Variants in CLDN18 observed in about 807,000 individuals in gnomAD.
CLDN18 encodes claudin 18, also known as claudin-18.
CLDN18 carries 20 observed loss-of-function variants against 25.0 expected under a neutral mutation model. That is an observed-to-expected ratio of 0.80 (90% confidence interval 0.56 to 1.16). The LOEUF (loss-of-function observed/expected upper bound fraction) is 1.16, where lower values mean the gene tolerates loss of function less well. Ranked by LOEUF, CLDN18 falls within the 50% of genes most tolerant of loss-of-function variation. CLDN18 has a pLI of 0.00. For missense variants in CLDN18, 297 were observed against 345.4 expected, an observed-to-expected ratio of 0.86 and a Z score of 1.11; for synonymous variants, 125 against 135.6, an observed-to-expected ratio of 0.92 and a Z score of 0.54.
exon 1 of CLDN18, chr3:137,998,825 C>T (rs1941984256): frequency 1.3e-6 from 2 of 1,578,632 alleles, no homozygotes; most frequent in African/African-American, 2.7e-5. Context: ...CAGAATTGCG[C>T]TGTCCACTTG....
At chr3:138,005,280 T>C (rs7625554), upstream of CLDN18, among the ~76,000 whole-genome samples, 78,606 of 151,958 alleles carry the variant, frequency 0.52, 22,417 homozygotes, top group South Asian at 0.72. Flanking sequence ...CTGGGATACA[T>C]GTGCAGAACG....
chr3:138,011,911 C>T (rs1470763337), intron 1 of CLDN18, among the ~76,000 whole-genome samples: 1 of 152,118 alleles, frequency 6.6e-6, no homozygotes, highest in Non-Finnish European at 1.5e-5. Flanking sequence ...CTCCATGACA[C>T]CCTCTCAGAA....
chr3:138,022,772 G>T (rs1208155527), intron 1 of CLDN18, among the ~76,000 whole-genome samples: 1 of 152,234 alleles, frequency 6.6e-6, no homozygotes, highest in Non-Finnish European at 1.5e-5. Context: ...CATGCTTAGT[G>T]ACTGTCATTC....
chr3:138,007,661 TTAAAG>T (rs767101002), upstream of CLDN18, among the ~76,000 whole-genome samples: 139 of 149,470 alleles, frequency 9.3e-4, no homozygotes, highest in Admixed American at 3.0e-3. Context: ...ATCCTAGAAC[TTAAAG>T]TAAAATAAAT....
Position 138,031,165 on chromosome 3 carries a change from G to A in CLDN18, c.*24G>A. 1.3e-6 allele frequency: 2 copies of A among 1,567,492 alleles called. No individual in the cohort carries two copies. The highest frequency in any genetic ancestry group is 1.7e-6 in the Non-Finnish European group (2 of 1,151,016). On this transcript the variant is annotated 3_prime_UTR_variant, in exon 5 of 5. Transcript: ENST00000183605. ...AATGCTCTAAGACCTCTCAGCACGG[G>A]CGGAAGAAACTCCCGGAGAGCTCAC...
intron 3 of CLDN18, among the ~76,000 whole-genome samples, chr3:138,027,385 A>ATTTAGG (rs1228614069): frequency 1.3e-5 from 2 of 152,236 alleles, no homozygotes; most frequent in Non-Finnish European, 2.9e-5. Context: ...CCAGGTAAGT[A>ATTTAGG]TTTAGGTTTG....
Position 138,031,210 on chromosome 3 carries a change from C to T in CLDN18, c.*69C>T. The T allele has an allele frequency of 7.3e-7, 1 of 1,369,244 alleles. No individual in the cohort carries two copies. Among genetic ancestry groups the T allele is most frequent in the Middle Eastern group, 2.7e-4 (1 of 3,726 alleles). 84.8% of individuals were successfully genotyped at this position (1,369,244 alleles called of 1,614,324 possible). On this transcript the variant is annotated 3_prime_UTR_variant, in exon 5 of 5. Coordinates refer to ENST00000183605, the MANE Select transcript of CLDN18 (RefSeq NM_016369.4). ...GCTCACCCAAAAAACAAGGAGATCC[C>T]ATCTAGATTTCTTCTTGCTTTTGAC... is the stretch of plus-strand genomic sequence containing the variant.
chr3:138,029,199 G>A (rs1448993198), intron 3 of CLDN18, among the ~76,000 whole-genome samples: 1 of 152,110 alleles, frequency 6.6e-6, no homozygotes. Flanking sequence ...AGGCTAGAGT[G>A]CAATGGCACA....
intron 1 of CLDN18, 41 bp downstream of exon 1, chr3:138,010,486 G>C: frequency 6.2e-7 from 1 of 1,610,314 alleles, no homozygotes; most frequent in Non-Finnish European, 8.5e-7. Flanking sequence ...GGTGAACCAG[G>C]TGAGCAGGGA....
intron 1 of CLDN18, among the ~76,000 whole-genome samples, chr3:138,021,269 G>A (rs1292161464): frequency 6.6e-6 from 1 of 151,952 alleles, no homozygotes; most frequent in African/African-American, 2.4e-5. Context: ...AAAAAAAAGT[G>A]TTAAGCATTT....
At chr3:138,004,402 C>T (rs1942046989) in intron 1 of CLDN18, among the ~76,000 whole-genome samples, 1 of 152,054 alleles carries the variant, frequency 6.6e-6, no homozygotes, top group Admixed American at 6.5e-5. Flanking sequence ...GCAAGAGTTT[C>T]CCCATGGGAA....
upstream of CLDN18, among the ~76,000 whole-genome samples, chr3:138,005,336 C>T (rs1942058398): frequency 6.6e-6 from 1 of 152,110 alleles, no homozygotes; most frequent in African/African-American, 2.4e-5. Context: ...TGGTTTGCTG[C>T]ACCCATTAAC....
Position 138,018,627 on chromosome 3 carries a change from C to T in CLDN18, c.221-5031C>T, listed in dbSNP as rs915265782. On this transcript the variant is annotated intron_variant, in intron 1 of 4. Transcript: ENST00000183605. ...CTGGGATTACAGGCGTGAGCCACCG[C>T]ACCCGGCCCTCAAGGCCTTTTATAA... 2.6e-5 allele frequency among the ~76,000 whole-genome samples: 4 copies of T among 152,022 alleles called. No individual in the cohort carries two copies. In the South Asian group the frequency reaches 6.2e-4, roughly 24 times the overall value.
intron 1 of CLDN18, among the ~76,000 whole-genome samples, chr3:138,004,046 C>G (rs144633295): frequency 6.6e-6 from 1 of 151,822 alleles, no homozygotes. Flanking sequence ...TGGTGGTGCA[C>G]GCCTGTAGTC....
chr3:138,031,115 T>C lies in CLDN18; in HGVS notation c.760T>C (p.Tyr254His), dbSNP rs768680816. The C allele has an allele frequency of 7.4e-6, 12 of 1,613,842 alleles. No individual in the cohort carries two copies. The highest frequency in any genetic ancestry group is 3.3e-5 in the South Asian group (3 of 91,044). Residue 254 changes from tyrosine (Y) to histidine (H), a missense_variant, in exon 5 of 5, where the codon TAT becomes CAT. Tyr to His is a moderately conservative substitution (Grantham distance 83, BLOSUM62 2). Coordinates refer to ENST00000183605, the MANE Select transcript of CLDN18 (RefSeq NM_016369.4). ...GARTEDEVQS[Y>H]PSKHDYV ...CCGCACAGAGGACGAGGTACAATCTTATCCTTCCAAGCACGACTATGTGTA... is the reference window on the plus strand; with the variant it reads ...CCGCACAGAGGACGAGGTACAATCTCATCCTTCCAAGCACGACTATGTGTA...
intron 2 of CLDN18, among the ~76,000 whole-genome samples, chr3:138,024,139 T>C (rs1425108445): frequency 6.6e-6 from 1 of 151,760 alleles, no homozygotes; most frequent in Admixed American, 6.6e-5. Context: ...TGTGACACCC[T>C]ATGTCGATTA....
At position 138,010,286 on chromosome 3, in the gene CLDN18, T is replaced by G. The variant is rs1167620357; in HGVS notation, c.61T>G (p.Cys21Gly). ...CCTGTCCATCCTGGGGCTGGCCGGC[T>G]GCATCGCGGCCACCGGGATGGACAT... ...FLLSILGLAGCIAATGMDMWS... is the reference protein window; with the variant it reads ...FLLSILGLAGGIAATGMDMWS... Residue 21 changes from cysteine to glycine, a missense_variant, in exon 1 of 5, where the codon TGC becomes GGC. Cys to Gly is a radical substitution (Grantham distance 159). Transcript: ENST00000183605. The G allele has an allele frequency of 6.2e-7, 1 of 1,614,168 alleles. No individual in the cohort carries two copies. The highest frequency in any genetic ancestry group is 2.2e-5 in the East Asian group (1 of 44,860).
chr3:138,009,590 C>T (rs916701920), upstream of CLDN18, among the ~76,000 whole-genome samples: 6 of 152,118 alleles, frequency 3.9e-5, no homozygotes, highest in African/African-American at 1.4e-4. Context: ...CCACCCCTGC[C>T]GTTTTTAGAG....
chr3:138,010,097 G>A, upstream of CLDN18: 1 of 1,412,822 alleles, frequency 7.1e-7, no homozygotes. Context: ...AAAACACTGT[G>A]AGCAAATACT....
Sources: gnomAD v4.1 joint callset for allele counts (sites outside exome capture counted in the v4.1 genomes callset) on GRCh38, gnomAD v4.1.1 for gene constraint, MANE v1.5 for transcripts, NCBI Gene and HGNC (gene_info 2026-07-23, HGNC 2026-07-21) for gene names.